Variants in F2 observed in about 807,000 individuals in gnomAD.
F2 encodes prothrombin.
In F2, 34 loss-of-function variants were observed where a neutral mutation model predicts 81.9. That is an observed-to-expected ratio of 0.42 (90% CI 0.32 to 0.55). The LOEUF is 0.55. F2 is among the 20% of genes least tolerant of loss of function. The pLI is 0.18. For synonymous variants in F2, 296 were observed against 326.4 expected (o/e 0.91, Z 1.01); for missense variants, 630 against 833.4 (o/e 0.76, Z 3.00).
In F2 at chr11:46,719,470, G is replaced by T. The variant is rs113202549; in HGVS notation, c.79+156G>T. ...GGGAAGAAGTCAGGAGCTCAGGGCT[G>T]GAAAGAGAATGGCTGCTTCTCTCTT... On this transcript the variant is annotated intron_variant, in intron 1 of 13. Coordinates refer to ENST00000311907, the MANE Select transcript of F2 (RefSeq NM_000506.5). The surrounding 1 kb of genome is among the most constrained non-coding windows in gnomAD (Gnocchi z 4.7). 10,416 of 1,015,646 alleles carry T rather than the reference G, an allele frequency of 0.01. 85 individuals carry two copies. Among genetic ancestry groups the T allele is most frequent in the Middle Eastern group, 0.022 (74 of 3,326 alleles). 62.9% of individuals were successfully genotyped at this position (1,015,646 alleles called of 1,614,324 possible).
intron 9 of F2, 26 bp from the exon 10 acceptor site, chr11:46,727,970 C>CGCA (rs771893995): frequency 6.3e-7 from 1 of 1,597,566 alleles, no homozygotes; most frequent in Non-Finnish European, 8.5e-7. Context: ...TCCTCAGCTC[C>CGCA]TAATGCTTCC....
At chr11:46,730,161 A>C (rs758895498) in intron 12 of F2, among the ~76,000 whole-genome samples, 1 of 152,122 alleles carries the variant, frequency 6.6e-6, no homozygotes, top group African/African-American at 2.4e-5. Context: ...TTAGCTGGTC[A>C]TGGTGACGCA....
chr11:46,720,545 C>G lies in F2; in HGVS notation c.263C>G (p.Thr88Arg), dbSNP rs1210969499. The G allele has an allele frequency of 1.9e-6, 3 of 1,614,156 alleles. No individual in the cohort carries two copies. Among genetic ancestry groups the G allele is most frequent in the Middle Eastern group, 3.3e-4 (2 of 6,062 alleles). ...CAGGATGTGTTCTGGGCCAAGTACA[C>G]AGGTGAGCACCGGGAAGGATTTGCC... ...TATDVFWAKY[T>R]ACETARTPRD... Residue 88 changes from threonine (T) to arginine (R), a missense_variant and splice_region_variant, in exon 3 of 14, where the codon ACA (threonine) becomes AGA (arginine). Transcript: ENST00000311907.
intron 3 of F2, 112 bp downstream of exon 3, chr11:46,720,659 C>T: frequency 2.0e-6 from 3 of 1,496,604 alleles, no homozygotes; most frequent in East Asian, 2.3e-5. Flanking sequence ...CCACCCCTTC[C>T]CCACTCCTTC....
intron 12 of F2, among the ~76,000 whole-genome samples, chr11:46,735,215 G>A (rs969788299): frequency 6.6e-6 from 1 of 152,142 alleles, no homozygotes; most frequent in Non-Finnish European, 1.5e-5. Flanking sequence ...GCTGAGGCAG[G>A]TGGATCATGA....
chr11:46,730,786 TTA>T (rs1485032663), intron 12 of F2, among the ~76,000 whole-genome samples: 1 of 140,162 alleles, frequency 7.1e-6, no homozygotes. Context: ...GTGGGAATTT[TTA>T]TATATATATA....
In F2 at chr11:46,734,765, C is replaced by T. The variant is rs557613452; in HGVS notation, c.1655-4283C>T. Among the ~76,000 whole-genome samples, 4 of 152,222 alleles carry T rather than the reference C, an allele frequency of 2.6e-5. 1 individual carries two copies. The South Asian group carries it at 8.3e-4, about 32-fold the overall frequency. The stretch of plus-strand genomic sequence containing the variant: ...GGCGGAGGTTGCAGTGAGCAGAGAT[C>T]GTGCCGCTGCACTCCAGCCTGGGTG... On this transcript the variant is annotated intron_variant, in intron 12 of 13. Transcript: ENST00000311907.
intron 12 of F2, among the ~76,000 whole-genome samples, chr11:46,736,810 A>G (rs1189149936): frequency 6.6e-6 from 1 of 152,068 alleles, no homozygotes; most frequent in East Asian, 1.9e-4. Context: ...TTGTTTTTCC[A>G]TATGAACTTT....
intron 12 of F2, among the ~76,000 whole-genome samples, chr11:46,730,512 G>A (rs2064904574): frequency 6.6e-6 from 1 of 151,714 alleles, no homozygotes; most frequent in South Asian, 2.1e-4. Context: ...GGAGGCCTGG[G>A]GGGCTGAGGA....
Position 46,719,467 on chromosome 11 carries a change from G to A in F2, c.79+153G>A. 2 of 1,020,190 alleles carry A rather than the reference G, an allele frequency of 2.0e-6. No individual in the cohort carries two copies. Among genetic ancestry groups the A allele is most frequent in the Non-Finnish European group, 3.0e-6 (2 of 676,424 alleles). The allele number at this position is 1,020,190 out of a possible 1,614,324, so 63.2% of individuals were successfully genotyped here. A position where few individuals can be genotyped will look rare whatever the true frequency, so the allele number is the denominator to read the frequency against. The stretch of plus-strand genomic sequence containing the variant: ...TTAGGGAAGAAGTCAGGAGCTCAGG[G>A]CTGGAAAGAGAATGGCTGCTTCTCT... On this transcript the variant is annotated intron_variant, in intron 1 of 13. Transcript: ENST00000311907. The surrounding 1 kb of genome is among the most constrained non-coding windows in gnomAD (Gnocchi z 4.7).
At position 46,726,189 on chromosome 11, in the gene F2, A is replaced by G. The variant is rs763302355; in HGVS notation, c.874+16A>G. 13 of 1,612,316 alleles carry G rather than the reference A, an allele frequency of 8.1e-6. No individual in the cohort carries two copies. The East Asian group carries it at 8.9e-5, about 11-fold the overall frequency. ...AACTATTGTGGTGAGCTGCCTGGGT[A>G]GGGGGCCTGAGTTGCAGGGACAAAT... On this transcript the variant is annotated intron_variant, in intron 7 of 13. Transcript: ENST00000311907. The surrounding 1 kb of genome is among the most constrained non-coding windows in gnomAD (Gnocchi z 5.9).
In F2 at chr11:46,726,431, G is replaced by A; in HGVS notation, c.875-67G>A. 3 of 1,579,186 alleles carry A rather than the reference G, an allele frequency of 1.9e-6. No individual in the cohort carries two copies. The highest frequency in any genetic ancestry group is 1.7e-6 in the Non-Finnish European group (2 of 1,163,274). On this transcript the variant is annotated intron_variant, in intron 7 of 13. Coordinates refer to ENST00000311907, the MANE Select transcript of F2 (RefSeq NM_000506.5). The surrounding 1 kb of genome is among the most constrained non-coding windows in gnomAD (Gnocchi z 5.9). ...GGCCTCCAAGGCCCGTAGGGGAATTGGGGGGATCTAGGGGATGGGTGAGGA... is the reference window on the plus strand; with the variant it reads ...GGCCTCCAAGGCCCGTAGGGGAATTAGGGGGATCTAGGGGATGGGTGAGGA...
Position 46,739,099 on chromosome 11 carries a change from G to A in F2, c.1706G>A (p.Gly569Glu), listed in dbSNP as rs772192067. Residue 569 changes from glycine to glutamate, a missense_variant, in exon 13 of 14, where the codon GGG becomes GAG. Coordinates refer to ENST00000311907, the MANE Select transcript of F2 (RefSeq NM_000506.5). Reference sequence around the variant, plus strand: ...GGGGATGCCTGTGAAGGTGACAGTGGGGGACCCTTTGTCATGAAGGTAAGC... The same window carrying A: ...GGGGATGCCTGTGAAGGTGACAGTGAGGGACCCTTTGTCATGAAGGTAAGC... ...KRGDACEGDS[G>E]GPFVMKSPFN... is the part of the protein sequence containing the mutation. 1 of 1,614,072 alleles carries A rather than the reference G, an allele frequency of 6.2e-7. No individual in the cohort carries two copies. Among genetic ancestry groups the A allele is most frequent in the African/African-American group, 1.3e-5 (1 of 74,926 alleles).
chr11:46,738,818 C>T (rs954853553), intron 12 of F2, among the ~76,000 whole-genome samples: 5 of 152,182 alleles, frequency 3.3e-5, no homozygotes, highest in African/African-American at 1.2e-4. Context: ...ATGAAGGAAA[C>T]TAGTGGGTTC....
rs747857582 is a variant in F2 at position 46,723,615 on chromosome 11, GCA to G, written c.559+100_559+101del. On this transcript the variant is annotated intron_variant, in intron 6 of 13. Transcript: ENST00000311907. The surrounding 1 kb of genome is among the most constrained non-coding windows in gnomAD (Gnocchi z 5.6). The stretch of plus-strand genomic sequence containing the variant: ...GGAACCAAGAATACTGGCTACCCAG[GCA>G]CAGTGGCTCATGCCCGTAATCCCAG... 1.5e-5 allele frequency: 22 copies of G among 1,447,790 alleles called. 1 individual carries two copies. The highest frequency in any genetic ancestry group is 1.2e-4 in the Admixed American group (6 of 49,834). 89.7% of individuals were successfully genotyped at this position (1,447,790 alleles called of 1,614,324 possible).
In F2 at chr11:46,737,704, C is replaced by T. The variant is rs148368542; in HGVS notation, c.1655-1344C>T. On this transcript the variant is annotated intron_variant, in intron 12 of 13. Coordinates refer to ENST00000311907, the MANE Select transcript of F2 (RefSeq NM_000506.5). ...CCGCCTGCCTCAGCCTCCCAAAGTGCTGGTATTACGGGCGTGAGCCACTGC... is the reference window on the plus strand; with the variant it reads ...CCGCCTGCCTCAGCCTCCCAAAGTGTTGGTATTACGGGCGTGAGCCACTGC... 6.3e-3 allele frequency among the ~76,000 whole-genome samples: 959 copies of T among 152,254 alleles called. 13 individuals carry two copies. The highest frequency in any genetic ancestry group is 0.022 in the African/African-American group (915 of 41,548).
At chr11:46,736,607 A>G (rs2064945700) in intron 12 of F2, among the ~76,000 whole-genome samples, 1 of 152,136 alleles carries the variant, frequency 6.6e-6, no homozygotes, top group Non-Finnish European at 1.5e-5. Context: ...CCCACGTTCT[A>G]GATTTCTATG....
chr11:46,735,974 G>A (rs1277098783), intron 12 of F2, among the ~76,000 whole-genome samples: 1 of 151,962 alleles, frequency 6.6e-6, no homozygotes, highest in Admixed American at 6.6e-5. Flanking sequence ...GGAGGCCGAG[G>A]TGGGTGGATC....
rs746604932 is a variant in F2 at position 46,728,647 on chromosome 11, T to C, written c.1299-17T>C. 4.2e-5 allele frequency: 68 copies of C among 1,613,494 alleles called. No individual in the cohort carries two copies. The highest frequency in any genetic ancestry group is 2.8e-5 in the Non-Finnish European group (33 of 1,179,536). ...TGAACCTGCAGCTTCTCCATTTCTT[T>C]CTTGGGGTCTCTGCAGGTACGAGCG... On this transcript the variant is annotated splice_polypyrimidine_tract_variant and intron_variant, in intron 10 of 13. Coordinates refer to ENST00000311907, the MANE Select transcript of F2 (RefSeq NM_000506.5). This position sits in a 1 kb window ranked among gnomAD's most constrained non-coding sequence, Gnocchi z 5.1.
Sources: gnomAD v4.1 joint callset for allele counts (sites outside exome capture counted in the v4.1 genomes callset) on GRCh38, gnomAD v4.1.1 for gene constraint, Gnocchi (gnomAD v3.1) non-coding constraint, MANE v1.5 for transcripts, NCBI Gene and HGNC (gene_info 2026-07-23, HGNC 2026-07-21) for gene names.